The following LRP2 variants were observed in gnomAD, a reference collection of about 807,000 sequenced individuals.
LRP2 encodes low-density lipoprotein receptor-related protein 2.
LRP2 carries 172 observed loss-of-function variants against 531.0 expected under a neutral mutation model. That is an observed-to-expected ratio of 0.32 (90% CI 0.29 to 0.37). The LOEUF is 0.37. LRP2 is among the 10% of genes least tolerant of loss of function. LRP2 has a pLI of 1.00. For missense variants in LRP2, 5,167 were observed against 5,868.3 expected (o/e 0.88, Z 3.90); for synonymous variants, 1,992 against 2,027.6 (o/e 0.98, Z 0.47).
chr2:169,233,392 G>A lies in LRP2; in HGVS notation c.5098+19C>T, dbSNP rs1409987157. ...TTTTCAAGCTACTCCCAGGCAGGAT[G>A]TTTCTCTGTATCACTCACAATTTGG... is the stretch of plus-strand genomic sequence containing the variant. On this transcript the variant is annotated intron_variant, in intron 30 of 78. Coordinates refer to ENST00000649046, the MANE Select transcript of LRP2 (RefSeq NM_004525.3). 3 of 1,613,996 alleles carry A rather than the reference G, an allele frequency of 1.9e-6. No homozygotes were observed. Among genetic ancestry groups the A allele is most frequent in the South Asian group, 1.1e-5 (1 of 91,080 alleles).
At position 169,209,592 on chromosome 2, in the gene LRP2, A is replaced by G; in HGVS notation, c.6330T>C (p.Tyr2110=). 6.2e-7 allele frequency: 1 copy of G among 1,614,128 alleles called. No homozygotes were observed. Among genetic ancestry groups the G allele is most frequent in the Admixed American group, 1.7e-5 (1 of 60,012 alleles). Reference sequence around the variant, plus strand: ...CCACTGAGCTGCTAAAATCACACCAATAAATAAAGCCAGAGGACACATCCA... The same window carrying G: ...CCACTGAGCTGCTAAAATCACACCAGTAAATAAAGCCAGAGGACACATCCA... ...VDVDVSSGFI[Y]WCDFSSSVAS... is the part of the protein sequence containing the mutation. The change falls in exon 38 of 79, where the codon TAT becomes TAC. Residue 2110 remains tyrosine, a synonymous_variant. Coordinates refer to ENST00000649046, the MANE Select transcript of LRP2 (RefSeq NM_004525.3).
intron 47 of LRP2, among the ~76,000 whole-genome samples, chr2:169,192,919 G>A (rs1687880087): frequency 6.6e-6 from 1 of 152,076 alleles, no homozygotes; most frequent in African/African-American, 2.4e-5. Context: ...AAGCAGCAGG[G>A]AGCCATTGAG....
At position 169,203,971 on chromosome 2, in the gene LRP2, C is replaced by A; in HGVS notation, c.8005+11G>T. 3 of 1,613,718 alleles carry A rather than the reference C, an allele frequency of 1.9e-6. No individual in the cohort carries two copies. The South Asian group carries it at 3.3e-5, about 18-fold the overall frequency. On this transcript the variant is annotated intron_variant, in intron 42 of 78. Transcript: ENST00000649046. ...TTCTCCATGTTCTAATTTTCATGGT[C>A]AGTGCCTTACCTGGTGCACAGATAT...
At chr2:169,337,346 G>C (rs1282455055) in intron 1 of LRP2, among the ~76,000 whole-genome samples, 1 of 152,054 alleles carries the variant, frequency 6.6e-6, no homozygotes, top group African/African-American at 2.4e-5. Flanking sequence ...TCTTATCAGG[G>C]CTCCTAACAT....
At chr2:169,235,412 T>C (rs1182769694) in intron 29 of LRP2, among the ~76,000 whole-genome samples, 1 of 151,768 alleles carries the variant, frequency 6.6e-6, no homozygotes, top group Non-Finnish European at 1.5e-5. Flanking sequence ...CTAATTTTTG[T>C]GTTTTTAGTA....
At chr2:169,181,378 C>G in intron 52 of LRP2, 70 bp downstream of exon 52, 5 of 1,494,468 alleles carry the variant, frequency 3.3e-6, no homozygotes, top group Non-Finnish European at 4.7e-6. Flanking sequence ...GACTAATAGA[C>G]TGGAATCACA....
intron 48 of LRP2, among the ~76,000 whole-genome samples, chr2:169,189,392 T>C (rs1687752300): frequency 6.6e-6 from 1 of 152,240 alleles, no homozygotes; most frequent in Non-Finnish European, 1.5e-5. Context: ...CAAGGCAGAC[T>C]GGCTCAGCTT....
chr2:169,255,486 A>G (rs1265039714), intron 19 of LRP2, among the ~76,000 whole-genome samples: 1 of 151,968 alleles, frequency 6.6e-6, no homozygotes, highest in African/African-American at 2.4e-5. Context: ...CTTCTCAGCA[A>G]TCTTCACTAG....
At position 169,191,893 on chromosome 2, in the gene LRP2, T is replaced by C; in HGVS notation, c.8971A>G (p.Arg2991Gly). 1.9e-6 allele frequency: 3 copies of C among 1,614,174 alleles called. No individual in the cohort carries two copies. The highest frequency in any genetic ancestry group is 2.5e-6 in the Non-Finnish European group (3 of 1,180,022). Reference protein sequence around the residue: ...GYDENQNCTRRTCSENEFTCG... With the variant: ...GYDENQNCTRGTCSENEFTCG... ...GTGAATTCATTTTCAGAGCAAGTTC[T>C]CCTGGTGCAATTCTGATTCTCATCG... Residue 2991 changes from arginine (R) to glycine (G), a missense_variant, in exon 48 of 79, where the codon AGA becomes GGA. Coordinates refer to ENST00000649046, the MANE Select transcript of LRP2 (RefSeq NM_004525.3).
intron 33 of LRP2, among the ~76,000 whole-genome samples, chr2:169,223,174 C>T (rs1689078550): frequency 6.6e-6 from 1 of 152,170 alleles, no homozygotes; most frequent in Non-Finnish European, 1.5e-5. Flanking sequence ...TCTTTGGACT[C>T]CAAATCAAAA....
chr2:169,327,243 C>CA (rs1685101691), intron 1 of LRP2, among the ~76,000 whole-genome samples: 1 of 93,326 alleles, frequency 1.1e-5, no homozygotes, highest in Non-Finnish European at 2.3e-5. Flanking sequence ...GGGGGGTCAG[C>CA]CCCACGTCCG....
Position 169,203,985 on chromosome 2 carries a change from G to C in LRP2, c.8002C>G (p.Pro2668Ala), listed in dbSNP as rs771123967. The change falls in exon 42 of 79, where the codon CCA (proline) becomes GCA (alanine). Residue 2668 changes from proline to alanine, a missense_variant. By Grantham distance (27) the Pro-to-Ala change is conservative. Transcript: ENST00000649046. ...FNGGCSHICA[P>A]GPNGAECQCP... is the part of the protein sequence containing the mutation. ...ATTTTCATGGTCAGTGCCTTACCTG[G>C]TGCACAGATATGGCTGCAGCCCCCA... is the stretch of plus-strand genomic sequence containing the variant. 3 of 1,613,962 alleles carry C rather than the reference G, an allele frequency of 1.9e-6. No individual in the cohort carries two copies. The highest frequency in any genetic ancestry group is 2.5e-6 in the Non-Finnish European group (3 of 1,179,902).
chr2:169,284,727 C>T (rs1683806237), intron 9 of LRP2, among the ~76,000 whole-genome samples: 2 of 152,142 alleles, frequency 1.3e-5, no homozygotes, highest in Non-Finnish European at 2.9e-5. Context: ...GTGTGAAATG[C>T]CCTCACTGAT....
chr2:169,292,569 C>A (rs182557731), intron 6 of LRP2, among the ~76,000 whole-genome samples, 200 bp from the exon 7 acceptor site: 3 of 152,070 alleles, frequency 2.0e-5, no homozygotes, highest in Admixed American at 1.3e-4. Flanking sequence ...GCTTTGGGTC[C>A]AGGAAATGAA....
intron 1 of LRP2, among the ~76,000 whole-genome samples, chr2:169,324,688 G>C (rs1574257566): frequency 6.6e-6 from 1 of 151,918 alleles, no homozygotes; most frequent in East Asian, 1.9e-4. Context: ...CAAGCTTCCT[G>C]GGTAAGTGTT....
intron 52 of LRP2, among the ~76,000 whole-genome samples, chr2:169,178,817 GAAC>G (rs1220266829): frequency 1.3e-5 from 2 of 152,074 alleles, no homozygotes; most frequent in Admixed American, 6.6e-5. Flanking sequence ...ACAGGAGATA[GAAC>G]AAGCTAGCAA....
intron 22 of LRP2, among the ~76,000 whole-genome samples, chr2:169,243,928 C>T (rs758306858): frequency 6.6e-6 from 1 of 152,038 alleles, no homozygotes; most frequent in Non-Finnish European, 1.5e-5. Context: ...GTAGACAGAC[C>T]CCCAAAACTG....
chr2:169,228,634 C>A (rs1174633636), intron 31 of LRP2, among the ~76,000 whole-genome samples: 1 of 152,168 alleles, frequency 6.6e-6, no homozygotes, highest in Non-Finnish European at 1.5e-5. Context: ...CCCTTAAGCA[C>A]CACCCGCTTC....
At chr2:169,260,320 G>A (rs1373130938) in intron 16 of LRP2, among the ~76,000 whole-genome samples, 1 of 152,112 alleles carries the variant, frequency 6.6e-6, no homozygotes, top group Non-Finnish European at 1.5e-5. Flanking sequence ...GCAAAGCAGA[G>A]GTCTGGGGTG....
Sources: allele counts gnomAD v4.1 joint callset (sites outside exome capture counted in the v4.1 genomes callset), GRCh38; gene constraint gnomAD v4.1.1; transcripts MANE v1.5; gene names NCBI Gene and HGNC (gene_info 2026-07-23, HGNC 2026-07-21).